SHTN1: variants seen among roughly 807,000 people sequenced by gnomAD.
SHTN1 encodes the protein shootin 1, also known as shootin-1.
SHTN1 carries 42 observed loss-of-function variants against 83.1 expected under a neutral mutation model. The ratio of observed to expected loss-of-function variants is 0.51; its 90% CI spans 0.39 to 0.65. The LOEUF is 0.65. Among genes scored for constraint, SHTN1 ranks in the 30% least tolerant of loss-of-function variants. The pLI, the probability that SHTN1 is intolerant of heterozygous loss-of-function variation, is 0.00. For synonymous variants in SHTN1, 224 were observed against 247.7 expected (o/e 0.90, Z 0.90); for missense variants, 622 against 737.8 (o/e 0.84, Z 1.82).
intron 1 of SHTN1, among the ~76,000 whole-genome samples, chr10:117,121,715 C>G (rs1405134491): frequency 6.6e-6 from 1 of 151,534 alleles, no homozygotes; most frequent in East Asian, 1.9e-4. Context: ...TTGCATATAG[C>G]TTACACACAC....
intron 9 of SHTN1, among the ~76,000 whole-genome samples, chr10:116,938,323 T>A (rs779358966): frequency 6.6e-6 from 1 of 152,202 alleles, no homozygotes; most frequent in Non-Finnish European, 1.5e-5. Context: ...TGGTCTTTGA[T>A]GTTGGTAACC....
rs546775408 is a variant in SHTN1, at chr10:116,928,601, G to C, written c.1013-710C>G. On this transcript the variant is annotated intron_variant, in intron 10 of 16. Transcript: ENST00000355371. Reference sequence around the variant, plus strand: ...ATACCTATGAGATAATGGGTAAAAGGTGCTGCATACTGTTGGCACTCAGAG... The same window carrying C: ...ATACCTATGAGATAATGGGTAAAAGCTGCTGCATACTGTTGGCACTCAGAG... Among the ~76,000 whole-genome samples, 112 of 152,278 alleles carry C rather than the reference G, an allele frequency of 7.4e-4. 2 individuals carry two copies. In the South Asian group the frequency reaches 0.022, roughly 30 times the overall value.
intron 1 of SHTN1, among the ~76,000 whole-genome samples, chr10:117,118,726 A>T: frequency 6.6e-6 from 1 of 152,224 alleles, no homozygotes; most frequent in East Asian, 1.9e-4. Context: ...GAGCTGAATG[A>T]TGAGAACACA....
At chr10:116,983,700 ATAC>A (rs1851127233) in intron 1 of SHTN1, among the ~76,000 whole-genome samples, 1 of 146,286 alleles carries the variant, frequency 6.8e-6, no homozygotes, top group African/African-American at 2.6e-5. Context: ...ACATACATAC[ATAC>A]ATACATACAT....
chr10:117,102,033 G>A (rs1853601580), intron 1 of SHTN1, among the ~76,000 whole-genome samples: 1 of 143,238 alleles, frequency 7.0e-6, no homozygotes. Flanking sequence ...AGAAGAAGAA[G>A]AAGTAAAGCC....
intron 2 of SHTN1, among the ~76,000 whole-genome samples, chr10:117,024,394 G>C (rs1429465505): frequency 1.7e-5 from 2 of 120,286 alleles, no homozygotes; most frequent in East Asian, 5.1e-4. Context: ...TTGTTCTGTC[G>C]CCCAGGCTGG....
chr10:117,014,757 T>C (rs140172975), intron 2 of SHTN1, among the ~76,000 whole-genome samples: 89 of 152,288 alleles, frequency 5.8e-4, no homozygotes, highest in Non-Finnish European at 1.1e-3. Flanking sequence ...TAGCACAACA[T>C]TTAAAAACTT....
At chr10:116,963,979 T>C (rs1193603436) in intron 3 of SHTN1, among the ~76,000 whole-genome samples, 1 of 151,422 alleles carries the variant, frequency 6.6e-6, no homozygotes, top group Non-Finnish European at 1.5e-5. Flanking sequence ...AACTGTTTTT[T>C]TTTTTTTTTA....
rs923436266 is a variant in SHTN1 at position 116,886,110 on chromosome 10, A to G, written c.*234T>C. 2.3e-5 allele frequency: 13 copies of G among 562,236 alleles called. No homozygotes were observed. In the Admixed American group the frequency reaches 2.4e-4, roughly 10 times the overall value. 34.8% of individuals were successfully genotyped at this position (562,236 alleles called of 1,614,324 possible). On this transcript the variant is annotated 3_prime_UTR_variant, in exon 17 of 17. Transcript: ENST00000355371. ...GTCATACTTAATACAGTAACTAGGA[A>G]AAAAACCTCATCTTTATAAAGATCA... is the stretch of plus-strand genomic sequence containing the variant.
intron 2 of SHTN1, among the ~76,000 whole-genome samples, chr10:117,044,984 C>A (rs1478427963): frequency 6.6e-6 from 1 of 152,120 alleles, no homozygotes; most frequent in Non-Finnish European, 1.5e-5. Context: ...GTATTTAGAT[C>A]ATCATCAAGC....
chr10:116,955,720 G>C (rs1184969549), intron 4 of SHTN1, among the ~76,000 whole-genome samples: 1 of 152,164 alleles, frequency 6.6e-6, no homozygotes, highest in Non-Finnish European at 1.5e-5. Flanking sequence ...CGAGAGGTTT[G>C]TCTGACCTCT....
At chr10:116,887,139 AG>A (rs1235106686) in intron 16 of SHTN1, among the ~76,000 whole-genome samples, 2 of 152,212 alleles carry the variant, frequency 1.3e-5, no homozygotes, top group African/African-American at 4.8e-5. Context: ...CCAAGGGCGG[AG>A]AGAGAGCCAG....
intron 12 of SHTN1, among the ~76,000 whole-genome samples, chr10:116,917,343 G>A (rs914293386): frequency 1.3e-5 from 2 of 151,910 alleles, no homozygotes; most frequent in South Asian, 2.1e-4. Flanking sequence ...TTGCTCTGTC[G>A]CCCAGAGCTG....
Position 117,113,731 on chromosome 10 carries a change from C to G in SHTN1, c.-189+12576G>C, listed in dbSNP as rs1256947846. ...CCCGCCTAGGCAAGATAGCAAGACC[C>G]CATCTCTGCAAAACAATTAAAAAGT... On this transcript the variant is annotated intron_variant, in intron 1 of 17. Coordinates refer to the SHTN1 transcript ENST00000392901. Among the ~76,000 whole-genome samples the G allele has an allele frequency of 5.3e-5, 8 of 152,094 alleles. 1 individual carries two copies. The highest frequency in any genetic ancestry group is 5.2e-4 in the Admixed American group (8 of 15,254).
At chr10:117,104,726 A>C (rs1384284525) in intron 1 of SHTN1, among the ~76,000 whole-genome samples, 6 of 152,198 alleles carry the variant, frequency 3.9e-5, no homozygotes, top group Non-Finnish European at 4.4e-5. Flanking sequence ...GTGAGCCGAG[A>C]TCGCGCCACT....
rs1486847904 is a variant in SHTN1 at position 116,968,032 on chromosome 10, A to G, written c.172+620T>C. 2.0e-5 allele frequency among the ~76,000 whole-genome samples: 3 copies of G among 152,234 alleles called. No individual in the cohort carries two copies. In the East Asian group the frequency reaches 5.8e-4, roughly 29 times the overall value. ...CCCCGTCTCTACTAAAAATACAAAA[A>G]TTAGCTGGGCATGGTGGTGTGCGCT... On this transcript the variant is annotated intron_variant, in intron 3 of 16. Transcript: ENST00000355371.
At chr10:116,896,120 T>C (rs541735062) in intron 16 of SHTN1, among the ~76,000 whole-genome samples, 4 of 152,310 alleles carry the variant, frequency 2.6e-5, no homozygotes, top group East Asian at 1.9e-4. Context: ...GTAATAGAAG[T>C]ATTAAAACAC....
chr10:116,887,680 A>G (rs918468250), intron 16 of SHTN1, among the ~76,000 whole-genome samples: 2 of 152,178 alleles, frequency 1.3e-5, no homozygotes, highest in Non-Finnish European at 2.9e-5. Flanking sequence ...ACTTACCACA[A>G]TTGTTTCCTG....
intron 1 of SHTN1, among the ~76,000 whole-genome samples, chr10:117,056,238 A>T (rs1244833314): frequency 6.6e-6 from 1 of 152,240 alleles, no homozygotes; most frequent in Non-Finnish European, 1.5e-5. Context: ...TTACCCTGAT[A>T]CCAAACCAAA....
Sources: allele counts gnomAD v4.1 joint callset (sites outside exome capture counted in the v4.1 genomes callset), GRCh38; gene constraint gnomAD v4.1.1; transcripts MANE v1.5; gene names NCBI Gene and HGNC (gene_info 2026-07-23, HGNC 2026-07-21).